The following STIM2 variants were observed in gnomAD, a reference collection of about 807,000 sequenced individuals.
The protein encoded by STIM2 is stromal interaction molecule 2.
Under a neutral mutation model 85.8 loss-of-function variants are expected in STIM2, and 31 were observed. The observed-to-expected ratio is 0.36, with a 90% CI of 0.27 to 0.49. STIM2 has a LOEUF of 0.49. Among genes scored for constraint, STIM2 ranks in the 20% least tolerant of loss-of-function variants. The probability of loss-of-function intolerance (pLI) is 0.98; values close to 1 mark genes in which losing one functional copy is unlikely to be tolerated. For synonymous variants in STIM2, 356 were observed against 331.1 expected (o/e 1.08, Z -0.82); for missense variants, 841 against 927.6 (o/e 0.91, Z 1.21).
chr4:26,959,531 A>G (rs777206144), intron 3 of STIM2, among the ~76,000 whole-genome samples: 14 of 152,058 alleles, frequency 9.2e-5, no homozygotes, highest in East Asian at 1.9e-4. Context: ...TGCTCATTAT[A>G]TATATCTCCC....
In STIM2 at chr4:26,971,581, C is replaced by G. The variant is rs192692811; in HGVS notation, c.397+13855C>G. On this transcript the variant is annotated intron_variant, in intron 3 of 11. Transcript: ENST00000467087. ...ATGTGTGGTGTTATTTCTGAGGCCT[C>G]TGTTCTGTTCCATTGGTCTATATAT... Among the ~76,000 whole-genome samples the G allele has an allele frequency of 6.4e-4, 98 of 152,294 alleles. 2 individuals are homozygous for G. The East Asian group carries it at 0.017, about 27-fold the overall frequency.
chr4:26,990,162 A>G (rs533749627), intron 3 of STIM2, among the ~76,000 whole-genome samples: 6 of 152,302 alleles, frequency 3.9e-5, no homozygotes, highest in African/African-American at 1.4e-4. Context: ...TTCTTGAGCA[A>G]AAAGAACACT....
chr4:26,918,141 G>A (rs1178924565), intron 1 of STIM2, among the ~76,000 whole-genome samples: 1 of 150,424 alleles, frequency 6.6e-6, no homozygotes, highest in African/African-American at 2.4e-5. Flanking sequence ...ATTAAAATTA[G>A]ATTTTGAATT....
rs1210098903 is a variant in STIM2 at position 26,861,278 on chromosome 4, G to C, written c.60G>C (p.Arg20=). Residue 20 remains arginine, a synonymous_variant, in exon 1 of 12, where the codon CGG becomes CGC. Coordinates refer to ENST00000467087, the MANE Select transcript of STIM2 (RefSeq NM_020860.4). ...CGGACGGATGCGAGCTTGTGCCCCG[G>C]CACCTCCGCGGGCGGCGGGCGACTG... The C allele has an allele frequency of 1.4e-6, 2 of 1,462,628 alleles. No homozygotes were observed. The highest frequency in any genetic ancestry group is 9.0e-7 in the Non-Finnish European group (1 of 1,111,908). 90.6% of individuals were successfully genotyped at this position (1,462,628 alleles called of 1,614,324 possible).
Position 26,999,298 on chromosome 4 carries a change from A to G in STIM2, c.576A>G (p.Gln192=), listed in dbSNP as rs1372828155. The G allele has an allele frequency of 6.2e-7, 1 of 1,610,260 alleles. No individual in the cohort carries two copies. Among genetic ancestry groups the G allele is most frequent in the Non-Finnish European group, 8.5e-7 (1 of 1,178,140 alleles). ...AAATCAGTGACCGGAGTCACAGACAAAAACTTCAGCTCAAGGCATTGGATG... is the reference window on the plus strand; with the variant it reads ...AAATCAGTGACCGGAGTCACAGACAGAAACTTCAGCTCAAGGCATTGGATG... The change falls in exon 5 of 12, where the codon CAA becomes CAG. Residue 192 remains glutamine (Q), a synonymous_variant. Coordinates refer to ENST00000467087, the MANE Select transcript of STIM2 (RefSeq NM_020860.4).
chr4:26,904,935 T>G (rs1411526283), intron 1 of STIM2, among the ~76,000 whole-genome samples: 1 of 152,130 alleles, frequency 6.6e-6, no homozygotes, highest in African/African-American at 2.4e-5. Flanking sequence ...ACTTGGATAA[T>G]TTATCTGTGT....
intron 3 of STIM2, among the ~76,000 whole-genome samples, chr4:26,973,597 T>C (rs375249789): frequency 1.3e-5 from 2 of 152,210 alleles, no homozygotes; most frequent in South Asian, 2.1e-4. Flanking sequence ...CACTGTGGTC[T>C]GAGAGGCAGT....
intron 3 of STIM2, among the ~76,000 whole-genome samples, chr4:26,979,758 G>A (rs1727313740): frequency 6.6e-6 from 1 of 152,132 alleles, no homozygotes; most frequent in South Asian, 2.1e-4. Flanking sequence ...ATAATTTGGT[G>A]TTATCAAATA....
At chr4:26,866,803 G>A (rs1200563671) in intron 1 of STIM2, among the ~76,000 whole-genome samples, 1 of 152,026 alleles carries the variant, frequency 6.6e-6, no homozygotes, top group Non-Finnish European at 1.5e-5. Context: ...GATTATTTGA[G>A]AGATATAAAA....
At chr4:26,967,914 A>G (rs1026726077) in intron 3 of STIM2, among the ~76,000 whole-genome samples, 3 of 152,154 alleles carry the variant, frequency 2.0e-5, no homozygotes, top group Non-Finnish European at 4.4e-5. Flanking sequence ...GAAAAAACCC[A>G]TTAGATTTGG....
intron 1 of STIM2, among the ~76,000 whole-genome samples, chr4:26,890,141 C>T (rs1251835877): frequency 1.3e-5 from 2 of 152,190 alleles, no homozygotes; most frequent in Non-Finnish European, 1.5e-5. Context: ...GTGCTACAGC[C>T]ATCTGCTTTG....
At chr4:26,983,174 A>G (rs1008103422) in intron 3 of STIM2, among the ~76,000 whole-genome samples, 1 of 152,242 alleles carries the variant, frequency 6.6e-6, no homozygotes, top group Admixed American at 6.5e-5. Context: ...ATCGGAATGC[A>G]CACTATCCAG....
intron 3 of STIM2, among the ~76,000 whole-genome samples, chr4:26,990,716 T>A (rs1200786384): frequency 6.6e-6 from 1 of 152,164 alleles, no homozygotes; most frequent in East Asian, 1.9e-4. Context: ...AACCAGAATA[T>A]ATAAGGAACT....
In STIM2 at chr4:27,017,847, G is replaced by C. The variant is rs1728785080; in HGVS notation, c.1626G>C (p.Arg542=). 1 of 1,613,966 alleles carries C rather than the reference G, an allele frequency of 6.2e-7. No homozygotes were observed. Among genetic ancestry groups the C allele is most frequent in the Non-Finnish European group, 8.5e-7 (1 of 1,179,988 alleles). The change falls in exon 11 of 12, where the codon CGG becomes CGC. Residue 542 remains arginine (R), a synonymous_variant. Transcript: ENST00000467087. ...ACGCCCCCCACCCGTCACACCCTCG[G>C]CACCCTCACCACCCGCAACACACAC...
At chr4:26,901,728 T>C (rs1474528956) in intron 1 of STIM2, among the ~76,000 whole-genome samples, 2 of 152,300 alleles carry the variant, frequency 1.3e-5, no homozygotes, top group East Asian at 3.9e-4. Context: ...GATCCAAAGA[T>C]GTTAAGAAGT....
At chr4:26,994,149 T>A (rs543538864) in intron 3 of STIM2, among the ~76,000 whole-genome samples, 2 of 152,240 alleles carry the variant, frequency 1.3e-5, no homozygotes, top group Middle Eastern at 3.4e-3. Context: ...GTTCCTAACC[T>A]CACTTTTTCC....
intron 2 of STIM2, among the ~76,000 whole-genome samples, chr4:26,947,268 A>G (rs886900495): frequency 6.6e-6 from 1 of 152,184 alleles, no homozygotes; most frequent in Non-Finnish European, 1.5e-5. Context: ...ACAGATTCCC[A>G]TATTAAAATA....
chr4:26,916,460 C>T (rs1033595423), intron 1 of STIM2, among the ~76,000 whole-genome samples: 1 of 152,190 alleles, frequency 6.6e-6, no homozygotes, highest in Non-Finnish European at 1.5e-5. Context: ...CATCCTATTC[C>T]ACTGTCACCA....
At chr4:26,894,832 C>A (rs1458407306) in intron 1 of STIM2, among the ~76,000 whole-genome samples, 2 of 152,142 alleles carry the variant, frequency 1.3e-5, no homozygotes, top group Admixed American at 6.5e-5. Flanking sequence ...TGGAAAAAAA[C>A]CTATTGGAAC....
Sources: gnomAD v4.1 joint callset for allele counts (sites outside exome capture counted in the v4.1 genomes callset) on GRCh38, gnomAD v4.1.1 for gene constraint, MANE v1.5 for transcripts, NCBI Gene and HGNC (gene_info 2026-07-23, HGNC 2026-07-21) for gene names.